SLX4IP: variants seen among roughly 807,000 people sequenced by gnomAD.
SLX4IP encodes the protein SLX4 interacting protein.
In SLX4IP, 34 loss-of-function variants were observed where a neutral mutation model predicts 32.9. That is an observed-to-expected ratio of 1.03 (90% CI 0.79 to 1.38). SLX4IP has a LOEUF of 1.38. Among genes scored for constraint, SLX4IP ranks in the 40% most tolerant of loss-of-function variants. The pLI is 0.00. For synonymous variants in SLX4IP, 172 were observed against 171.7 expected (o/e 1.00, Z -0.01); for missense variants, 444 against 479.0 (o/e 0.93, Z 0.68).
intron 2 of SLX4IP, among the ~76,000 whole-genome samples, chr20:10,541,809 A>G (rs770957800): frequency 3.3e-5 from 5 of 152,194 alleles, no homozygotes; most frequent in Non-Finnish European, 5.9e-5. Flanking sequence ...CTGGGAGGGC[A>G]GGGATTATTG....
intron 2 of SLX4IP, among the ~76,000 whole-genome samples, chr20:10,526,088 C>T (rs2065938128): frequency 6.6e-6 from 1 of 152,148 alleles, no homozygotes. Flanking sequence ...CTCACCTTCC[C>T]CCATCATACC....
chr20:10,496,839 T>A (rs1040544508), intron 2 of SLX4IP, among the ~76,000 whole-genome samples: 1 of 152,212 alleles, frequency 6.6e-6, no homozygotes, highest in Non-Finnish European at 1.5e-5. Context: ...TCATATCATC[T>A]ACAGTATCTC....
chr20:10,602,491 C>T (rs1200977633), intron 6 of SLX4IP, among the ~76,000 whole-genome samples: 1 of 152,206 alleles, frequency 6.6e-6, no homozygotes, highest in Non-Finnish European at 1.5e-5. Context: ...ACTTGAGAAT[C>T]TCCTTGTTGC....
At chr20:10,596,173 T>C (rs1456136306) in intron 4 of SLX4IP, among the ~76,000 whole-genome samples, 4 of 152,206 alleles carry the variant, frequency 2.6e-5, no homozygotes, top group Admixed American at 1.3e-4. Flanking sequence ...CCAGGCTTCC[T>C]GGACTCAAAA....
At chr20:10,450,580 A>T (rs1442869525) in intron 1 of SLX4IP, among the ~76,000 whole-genome samples, 5 of 152,346 alleles carry the variant, frequency 3.3e-5, no homozygotes, top group Admixed American at 6.5e-5. Context: ...ATGAATACTT[A>T]ACATGACTTA....
intron 2 of SLX4IP, among the ~76,000 whole-genome samples, chr20:10,495,991 G>A (rs2065664617): frequency 6.6e-6 from 1 of 150,944 alleles, no homozygotes; most frequent in Non-Finnish European, 1.5e-5. Context: ...ATCTTCTCTG[G>A]TAAGTAGCAA....
chr20:10,613,439 T>A, intron 6 of SLX4IP: 1 of 1,589,254 alleles, frequency 6.3e-7, no homozygotes, highest in Non-Finnish European at 8.6e-7. Context: ...AATTCCATTA[T>A]TTCTTTTTTT....
intron 1 of SLX4IP, among the ~76,000 whole-genome samples, chr20:10,446,905 A>T (rs892272415): frequency 1.3e-5 from 2 of 151,978 alleles, no homozygotes; most frequent in African/African-American, 4.8e-5. Flanking sequence ...CAGTTTTCTT[A>T]GAAAAGTTTT....
chr20:10,486,802 C>T (rs1168441092), intron 2 of SLX4IP, among the ~76,000 whole-genome samples: 3 of 152,164 alleles, frequency 2.0e-5, no homozygotes, highest in African/African-American at 4.8e-5. Context: ...TTACATTAAA[C>T]GTTCAACCCT....
intron 1 of SLX4IP, among the ~76,000 whole-genome samples, chr20:10,442,749 G>A (rs138861241): frequency 1.1e-3 from 174 of 152,282 alleles, no homozygotes; most frequent in African/African-American, 3.4e-3. Flanking sequence ...AACTTTGAGG[G>A]CCTAGGAAAA....
At chr20:10,465,782 AGGCGTGAGCCACTGTGCCC>A (rs1479418341) in intron 2 of SLX4IP, among the ~76,000 whole-genome samples, 2 of 152,246 alleles carry the variant, frequency 1.3e-5, no homozygotes, top group African/African-American at 4.8e-5. Flanking sequence ...ATGGGATTAT[AGGCGTGAGCCACTGTGCCC>A]GGCCTACAAA....
chr20:10,603,824 A>G (rs1474835970), intron 6 of SLX4IP, among the ~76,000 whole-genome samples: 2 of 152,308 alleles, frequency 1.3e-5, no homozygotes, highest in East Asian at 1.9e-4. Context: ...AAGCAATAAA[A>G]GACCCAGGTC....
In SLX4IP at chr20:10,623,020, G is replaced by A; in HGVS notation, c.868G>A (p.Ala290Thr). 6.2e-7 allele frequency: 1 copy of A among 1,614,152 alleles called. No individual in the cohort carries two copies. Among genetic ancestry groups the A allele is most frequent in the Non-Finnish European group, 8.5e-7 (1 of 1,180,032 alleles). ...ATGTCCAAAACAAAGTCCACGAGTG[G>A]CCAAAACCCAACAGAAACGCAGGAA... ...SPCPKQSPRVAKTQQKRRNCS... is the reference protein window; with the variant it reads ...SPCPKQSPRVTKTQQKRRNCS... Residue 290 changes from alanine to threonine, a missense_variant, in exon 8 of 8, where the codon GCC becomes ACC. Transcript: ENST00000334534.
intron 6 of SLX4IP, among the ~76,000 whole-genome samples, chr20:10,614,992 C>T (rs551205007): frequency 1.3e-5 from 2 of 151,946 alleles, no homozygotes; most frequent in African/African-American, 4.8e-5. Flanking sequence ...ACATTGATCA[C>T]GTACTATAAT....
intron 4 of SLX4IP, among the ~76,000 whole-genome samples, chr20:10,564,999 A>G (rs1466707763): frequency 1.3e-5 from 2 of 151,984 alleles, no homozygotes; most frequent in Non-Finnish European, 1.5e-5. Flanking sequence ...ACAGAACTGC[A>G]TATTTATAGT....
At chr20:10,500,375 C>T (rs1362285645) in intron 2 of SLX4IP, among the ~76,000 whole-genome samples, 1 of 151,994 alleles carries the variant, frequency 6.6e-6, no homozygotes, top group African/African-American at 2.4e-5. Flanking sequence ...GTGACCCACC[C>T]ACCTTGGCCT....
chr20:10,498,490 G>T (rs1361630571), intron 2 of SLX4IP, among the ~76,000 whole-genome samples: 2 of 151,988 alleles, frequency 1.3e-5, no homozygotes, highest in Non-Finnish European at 2.9e-5. Flanking sequence ...CCTGCCTCCT[G>T]CTTATTTCAG....
intron 4 of SLX4IP, among the ~76,000 whole-genome samples, chr20:10,590,772 T>G (rs1050968430): frequency 1.3e-5 from 2 of 152,182 alleles, no homozygotes; most frequent in Admixed American, 6.5e-5. Flanking sequence ...AATAAATGAC[T>G]AAATTGAAAC....
intron 2 of SLX4IP, among the ~76,000 whole-genome samples, chr20:10,526,716 T>C (rs2122457166): frequency 6.6e-6 from 1 of 152,322 alleles, no homozygotes; most frequent in Admixed American, 6.5e-5. Flanking sequence ...TTTGGGAGGC[T>C]GAGGTGGGTG....
Sources: gnomAD v4.1 joint callset for allele counts (sites outside exome capture counted in the v4.1 genomes callset) on GRCh38, gnomAD v4.1.1 for gene constraint, MANE v1.5 for transcripts, NCBI Gene and HGNC (gene_info 2026-07-23, HGNC 2026-07-21) for gene names.